SPC24: variants seen among roughly 807,000 people sequenced by gnomAD.
SPC24 encodes the protein kinetochore protein Spc24.
In SPC24, 31 loss-of-function variants were observed where a neutral mutation model predicts 27.6. The observed-to-expected ratio is 1.12, with a 90% CI of 0.84 to 1.52. The LOEUF is 1.52. Ranked by LOEUF, SPC24 falls within the 40% of genes most tolerant of loss-of-function variation. The pLI, the probability that SPC24 is intolerant of heterozygous loss-of-function variation, is 0.00. For missense variants in SPC24, 284 were observed against 252.5 expected (o/e 1.12, Z -0.84); for synonymous variants, 105 against 105.8 (o/e 0.99, Z 0.05).
At chr19:11,147,332 C>T in intron 4 of SPC24, 43 bp from the exon 5 acceptor site, 1 of 1,323,172 alleles carries the variant, frequency 7.6e-7, no homozygotes, top group Non-Finnish European at 1.0e-6. Context: ...CACAGCCCCT[C>T]ACACAACCCC....
chr19:11,148,391 A>G (rs558813903), intron 2 of SPC24, among the ~76,000 whole-genome samples: 1 of 152,078 alleles, frequency 6.6e-6, no homozygotes, highest in South Asian at 2.1e-4. Context: ...TATTTTTAGT[A>G]GAGACAGGGT....
chr19:11,149,212 C>T lies in SPC24; in HGVS notation c.187G>A (p.Ala63Thr). Residue 63 changes from alanine (A) to threonine (T), a missense_variant, in exon 2 of 5, where the codon GCC becomes ACC. Ala to Thr is a moderately conservative substitution (Grantham distance 58, BLOSUM62 0). Transcript: ENST00000592540. ...REILTMEKEVAQSLLNAKEQV... is the reference protein window; with the variant it reads ...REILTMEKEVTQSLLNAKEQV... ...TCCTTCGCATTGAGAAGGCTCTGGG[C>T]CACTTCCTTCTCCATGGTGAGGATC... The T allele has an allele frequency of 6.5e-7, 1 of 1,549,000 alleles. No homozygotes were observed. Among genetic ancestry groups the T allele is most frequent in the Non-Finnish European group, 8.7e-7 (1 of 1,145,910 alleles).
intron 3 of SPC24, 29 bp from the exon 4 acceptor site, chr19:11,147,923 A>G (rs1568630644): frequency 5.1e-5 from 38 of 740,192 alleles, no homozygotes; most frequent in Non-Finnish European, 7.1e-5. Flanking sequence ...AAAAAAAAAA[A>G]AAAAAAAGAA....
chr19:11,149,361 G>A, intron 1 of SPC24, 123 bp from the exon 2 acceptor site: 1 of 886,908 alleles, frequency 1.1e-6, no homozygotes, highest in Non-Finnish European at 1.6e-6. Context: ...CCTGTGTCCA[G>A]AGAGTTCTAC....
chr19:11,155,573 G>A (rs1226555496), intron 1 of SPC24, 44 bp downstream of exon 1: 1 of 1,520,254 alleles, frequency 6.6e-7, no homozygotes, highest in South Asian at 1.2e-5. Flanking sequence ...CCCAGCACCC[G>A]GGCCCCTTCC....
At chr19:11,148,645 T>TGA (rs1200676022) in intron 2 of SPC24, among the ~76,000 whole-genome samples, 3 of 150,920 alleles carry the variant, frequency 2.0e-5, no homozygotes, top group South Asian at 4.2e-4. Context: ...CATGCCCAGC[T>TGA]TATTGATTGA....
chr19:11,153,772 A>AAG (rs977988348), intron 1 of SPC24, among the ~76,000 whole-genome samples: 4 of 149,378 alleles, frequency 2.7e-5, no homozygotes, highest in East Asian at 2.0e-4. Flanking sequence ...AAAAAAAAAA[A>AAG]AAGAAGAAAA....
At chr19:11,153,173 T>C (rs9305022) in intron 1 of SPC24, among the ~76,000 whole-genome samples, 5,070 of 151,300 alleles carry the variant, frequency 0.034, 290 homozygotes, top group African/African-American at 0.12. Context: ...TGGCTGGGCG[T>C]GGTGGCTCAC....
rs190700602 is a variant in SPC24, at chr19:11,146,574, T to C, written c.*609A>G. 7.1e-6 allele frequency: 1 copy of C among 140,754 alleles called. No homozygotes were observed. Among genetic ancestry groups the C allele is most frequent in the Non-Finnish European group, 1.5e-5 (1 of 66,214 alleles). 8.7% of individuals were successfully genotyped at this position (140,754 alleles called of 1,614,324 possible). A position where few individuals can be genotyped will look rare whatever the true frequency, so the allele number is the denominator to read the frequency against. ...AACTCAGGAGATGGAGACCATCCTGTCTAACATGGTGAAACCCCGTCTCTA... is the reference window on the plus strand; with the variant it reads ...AACTCAGGAGATGGAGACCATCCTGCCTAACATGGTGAAACCCCGTCTCTA... On this transcript the variant is annotated 3_prime_UTR_variant, in exon 5 of 5. Coordinates refer to ENST00000592540, the MANE Select transcript of SPC24 (RefSeq NM_182513.4).
intron 1 of SPC24, among the ~76,000 whole-genome samples, chr19:11,155,400 A>G (rs10424832): frequency 0.035 from 5,269 of 152,070 alleles, 294 homozygotes; most frequent in African/African-American, 0.12. Flanking sequence ...AGACTCCTAT[A>G]TTTACCACTA....
chr19:11,150,687 T>C (rs2077864333), intron 1 of SPC24, among the ~76,000 whole-genome samples: 1 of 151,936 alleles, frequency 6.6e-6, no homozygotes, highest in African/African-American at 2.4e-5. Context: ...TCCCACCTAC[T>C]TGGGAGGATC....
chr19:11,145,833 C>A lies in SPC24; in HGVS notation c.*1350G>T, dbSNP rs145118287. ...TTCCACATACATTTCACTGGCCAGACCTTAACTATAAGGGCAGCTGGGAAG... is the reference window on the plus strand; with the variant it reads ...TTCCACATACATTTCACTGGCCAGAACTTAACTATAAGGGCAGCTGGGAAG... On this transcript the variant is annotated 3_prime_UTR_variant, in exon 5 of 5. Transcript: ENST00000592540. 16 of 152,314 alleles carry A rather than the reference C, an allele frequency of 1.1e-4. No homozygotes were observed. The highest frequency in any genetic ancestry group is 9.2e-4 in the Admixed American group (14 of 15,272). 9.4% of individuals were successfully genotyped at this position (152,314 alleles called of 1,614,324 possible). A position where few individuals can be genotyped will look rare whatever the true frequency, so the allele number is the denominator to read the frequency against.
rs551101055 is a variant in SPC24, at chr19:11,146,852, G to A, written c.*331C>T. Reference sequence around the variant, plus strand: ...AGCACTTTGGGAGGCCAAGGCGGGCGGGTGGATCACCTGAGGTCAGGAGTT... The same window carrying A: ...AGCACTTTGGGAGGCCAAGGCGGGCAGGTGGATCACCTGAGGTCAGGAGTT... On this transcript the variant is annotated 3_prime_UTR_variant, in exon 5 of 5. Transcript: ENST00000592540. The A allele has an allele frequency of 4.3e-5, 7 of 161,296 alleles. No individual in the cohort carries two copies. In the East Asian group the frequency reaches 5.4e-4, roughly 12 times the overall value. 10.0% of individuals were successfully genotyped at this position (161,296 alleles called of 1,614,324 possible). A position where few individuals can be genotyped will look rare whatever the true frequency, so the allele number is the denominator to read the frequency against.
intron 1 of SPC24, among the ~76,000 whole-genome samples, chr19:11,149,779 T>C (rs977648789): frequency 6.6e-6 from 1 of 151,366 alleles, no homozygotes; most frequent in African/African-American, 2.4e-5. Context: ...GGCGCAGTCT[T>C]GGCTCACTGC....
In SPC24 at chr19:11,148,028, G is replaced by T. The variant is rs759789030; in HGVS notation, c.395C>A (p.Thr132Lys). The change falls in exon 3 of 5, where the codon ACA becomes AAA. Residue 132 changes from threonine to lysine, a missense_variant. Transcript: ENST00000592540. ...EKEVDEDTTVTIPSAVYVAQL... is the reference protein window; with the variant it reads ...EKEVDEDTTVKIPSAVYVAQL... ...CAGAACCTACACGGCCGAGGGGATT[G>T]TGACTGTCGTGTCCTCGTCGACCTC... 4 of 1,613,650 alleles carry T rather than the reference G, an allele frequency of 2.5e-6. No individual in the cohort carries two copies. The highest frequency in any genetic ancestry group is 3.4e-6 in the Non-Finnish European group (4 of 1,179,766).
At chr19:11,150,422 G>C (rs1242221113) in intron 1 of SPC24, among the ~76,000 whole-genome samples, 4 of 151,620 alleles carry the variant, frequency 2.6e-5, no homozygotes, top group Admixed American at 2.6e-4. Flanking sequence ...GGAGGCGGAG[G>C]TTGCGGTGAG....
intron 1 of SPC24, among the ~76,000 whole-genome samples, chr19:11,153,456 T>G (rs1482590741): frequency 7.2e-5 from 9 of 124,294 alleles, no homozygotes; most frequent in African/African-American, 1.9e-4. Context: ...ATCAAAAAAA[T>G]AAAAAAAAGA....
At chr19:11,148,939 C>T (rs938898207) in intron 2 of SPC24, among the ~76,000 whole-genome samples, 155 bp downstream of exon 2, 6 of 151,890 alleles carry the variant, frequency 4.0e-5, no homozygotes, top group Non-Finnish European at 8.8e-5. Context: ...TTTGTAGAGA[C>T]GGGGTCTCTG....
chr19:11,155,699 C>G lies in SPC24; in HGVS notation c.78G>C (p.Gln26His). 6.4e-7 allele frequency: 1 copy of G among 1,571,016 alleles called. No individual in the cohort carries two copies. Among genetic ancestry groups the G allele is most frequent in the Non-Finnish European group, 8.6e-7 (1 of 1,166,358 alleles). The change falls in exon 1 of 5, where the codon CAG becomes CAC. Residue 26 changes from glutamine to histidine, a missense_variant. Gln to His is a conservative substitution (Grantham distance 24, BLOSUM62 0). Coordinates refer to ENST00000592540, the MANE Select transcript of SPC24 (RefSeq NM_182513.4). ...SLLGANRAEA[Q>H]QRRLLGRHEQ... ...CGTGGCGCCCCAGCAGCCGTCGCTG[C>G]TGCGCCTCCGCGCGGTTGGCGCCCA...
Sources: gnomAD v4.1 joint callset for allele counts (sites outside exome capture counted in the v4.1 genomes callset) on GRCh38, gnomAD v4.1.1 for gene constraint, MANE v1.5 for transcripts, NCBI Gene and HGNC (gene_info 2026-07-23, HGNC 2026-07-21) for gene names.